The following NCOA7 variants were observed in gnomAD, a reference collection of about 807,000 sequenced individuals.
NCOA7 encodes nuclear receptor coactivator 7, also known as 140 kDa estrogen receptor-associated protein.
NCOA7 carries 45 observed loss-of-function variants against 104.3 expected under a neutral mutation model. The observed-to-expected ratio is 0.43, with a 90% confidence interval of 0.34 to 0.55. NCOA7 has a LOEUF of 0.55. Ranked by LOEUF, NCOA7 falls within the 20% of genes least tolerant of loss-of-function variation. NCOA7 has a pLI of 0.02. For synonymous variants in NCOA7, 398 were observed against 402.3 expected (o/e 0.99, Z 0.13); for missense variants, 1,041 against 1,119.7 (o/e 0.93, Z 1.00).
At chr6:125,901,823 T>C (rs575861356) in intron 10 of NCOA7, among the ~76,000 whole-genome samples, 70 of 152,204 alleles carry the variant, frequency 4.6e-4, no homozygotes, top group Admixed American at 7.9e-4. Context: ...GGAGATTTGA[T>C]TGAGCAGTAG....
chr6:125,847,142 G>A (rs1448356277), intron 2 of NCOA7, among the ~76,000 whole-genome samples: 1 of 151,896 alleles, frequency 6.6e-6, no homozygotes, highest in Non-Finnish European at 1.5e-5. Context: ...AAAAGTATTT[G>A]TGTGTGTGTG....
chr6:125,877,134 T>C (rs1783446103), intron 4 of NCOA7, among the ~76,000 whole-genome samples: 1 of 152,200 alleles, frequency 6.6e-6, no homozygotes. Context: ...TTATACATAC[T>C]ACATATAATA....
intron 14 of NCOA7, 111 bp downstream of exon 14, chr6:125,927,869 C>G: frequency 1.1e-6 from 1 of 931,976 alleles, no homozygotes; most frequent in Non-Finnish European, 1.7e-6. Context: ...TGAACTGACT[C>G]CGGGCTGGGT....
intron 1 of NCOA7, among the ~76,000 whole-genome samples, chr6:125,812,533 T>C (rs928261280): frequency 7.2e-5 from 11 of 152,228 alleles, no homozygotes; most frequent in Non-Finnish European, 1.3e-4. Flanking sequence ...AATGAATAGT[T>C]GTCAGGCTTC....
chr6:125,874,908 A>G lies in NCOA7; in HGVS notation c.291A>G (p.Thr97=). The G allele has an allele frequency of 6.2e-7, 1 of 1,613,462 alleles. No individual in the cohort carries two copies. Among genetic ancestry groups the G allele is most frequent in the East Asian group, 2.2e-5 (1 of 44,866 alleles). ...YYSIDDNQNK[T]HDKKEKKMVV... The stretch of plus-strand genomic sequence containing the variant: ...CTTCAGATGACAATCAAAACAAAAC[A>G]CATGATAAAAAAGAGAAGAAGATGG... The change falls in exon 4 of 16, where the codon ACA becomes ACG. Residue 97 remains threonine, a synonymous_variant. Transcript: ENST00000392477.
chr6:125,923,225 G>A (rs1009976409), intron 13 of NCOA7, among the ~76,000 whole-genome samples: 9 of 152,176 alleles, frequency 5.9e-5, no homozygotes, highest in African/African-American at 2.2e-4. Context: ...TGCCATACCA[G>A]TGCCTTTCCC....
chr6:125,920,263 C>T (rs1787456326), intron 11 of NCOA7, among the ~76,000 whole-genome samples: 1 of 152,166 alleles, frequency 6.6e-6, no homozygotes, highest in Non-Finnish European at 1.5e-5. Context: ...TACTCATGCT[C>T]CTGGTAGCTG....
At chr6:125,793,683 T>C (rs1775054916) in intron 1 of NCOA7, among the ~76,000 whole-genome samples, 1 of 152,236 alleles carries the variant, frequency 6.6e-6, no homozygotes, top group South Asian at 2.1e-4. Flanking sequence ...CCATTTACTA[T>C]TGTTTTTAAA....
intron 11 of NCOA7, among the ~76,000 whole-genome samples, chr6:125,919,808 G>T (rs1787412946): frequency 6.6e-6 from 1 of 152,150 alleles, no homozygotes; most frequent in South Asian, 2.1e-4. Flanking sequence ...TTGTAAATCT[G>T]GCTCAGACGC....
At chr6:125,891,317 A>G (rs1784605031) in intron 10 of NCOA7, among the ~76,000 whole-genome samples, 1 of 152,226 alleles carries the variant, frequency 6.6e-6, no homozygotes, top group Non-Finnish European at 1.5e-5. Flanking sequence ...ATAAAAAATT[A>G]TATTTTCAAT....
intron 2 of NCOA7, among the ~76,000 whole-genome samples, chr6:125,831,484 GT>G (rs79482554): frequency 3.6e-4 from 51 of 141,602 alleles, no homozygotes; most frequent in Middle Eastern, 3.7e-3. Flanking sequence ...AGGTTTGTTT[GT>G]TTTTTTTTTT....
chr6:125,903,723 T>TG (rs200460262), intron 10 of NCOA7, among the ~76,000 whole-genome samples: 2 of 151,128 alleles, frequency 1.3e-5, no homozygotes. Flanking sequence ...TTTTTTTTTT[T>TG]GAGATAGAAT....
At chr6:125,844,527 G>C (rs1780433298) in intron 2 of NCOA7, among the ~76,000 whole-genome samples, 2 of 152,114 alleles carry the variant, frequency 1.3e-5, no homozygotes, top group African/African-American at 4.8e-5. Flanking sequence ...TGTTTTAACT[G>C]TTTTTCTCCC....
At chr6:125,863,159 G>GT (rs1782187986) in intron 3 of NCOA7, among the ~76,000 whole-genome samples, 1 of 138,768 alleles carries the variant, frequency 7.2e-6, no homozygotes, top group Non-Finnish European at 1.5e-5. Flanking sequence ...TAGGGAGCAT[G>GT]AATGTTCACA....
chr6:125,810,498 A>G (rs975779721), intron 1 of NCOA7, among the ~76,000 whole-genome samples: 4 of 152,216 alleles, frequency 2.6e-5, no homozygotes, highest in Non-Finnish European at 5.9e-5. Context: ...GCAATACACC[A>G]TAAATGCAGG....
rs556029645 is a variant in NCOA7, at chr6:125,810,274, T to G, written c.-64-5017T>G. 3.3e-5 allele frequency: 5 copies of G among 152,310 alleles called. No homozygotes were observed. In the South Asian group the frequency reaches 1.0e-3, roughly 32 times the overall value. 9.4% of individuals were successfully genotyped at this position (152,310 alleles called of 1,614,324 possible). A position where few individuals can be genotyped will look rare whatever the true frequency, so the allele number is the denominator to read the frequency against. On this transcript the variant is annotated intron_variant, in intron 1 of 15. Transcript: ENST00000392477. ...CTGCTGGTTCTGTTCTTTTAAATGG[T>G]GCCATGTGTACAAACAAGGAACACT...
At chr6:125,799,303 A>G (rs1042451529) in intron 1 of NCOA7, among the ~76,000 whole-genome samples, 1 of 152,144 alleles carries the variant, frequency 6.6e-6, no homozygotes, top group African/African-American at 2.4e-5. Flanking sequence ...CTTTAAAATC[A>G]GTCTTCCACA....
rs192676229 is a variant in NCOA7 at position 125,813,670 on chromosome 6, G to A, written c.-64-1621G>A. Among the ~76,000 whole-genome samples, 13 of 151,740 alleles carry A rather than the reference G, an allele frequency of 8.6e-5. No homozygotes were observed. In the East Asian group the frequency reaches 2.5e-3, roughly 30 times the overall value. On this transcript the variant is annotated intron_variant, in intron 1 of 15. Coordinates refer to ENST00000392477, the MANE Select transcript of NCOA7 (RefSeq NM_181782.5). ...TCACTATGTTGGCCAGGCTGGTCCC[G>A]AACTCCTGACCTCAGGTGATCCACC...
Position 125,889,192 on chromosome 6 carries a change from A to G in NCOA7, c.1138A>G (p.Thr380Ala), listed in dbSNP as rs747138458. 6.2e-7 allele frequency: 1 copy of G among 1,613,988 alleles called. No homozygotes were observed. Among genetic ancestry groups the G allele is most frequent in the Non-Finnish European group, 8.5e-7 (1 of 1,179,986 alleles). The change falls in exon 9 of 16, where the codon ACA becomes GCA. Residue 380 changes from threonine (T) to alanine (A), a missense_variant. Thr to Ala is a moderately conservative substitution (Grantham distance 58, BLOSUM62 0). Coordinates refer to ENST00000392477, the MANE Select transcript of NCOA7 (RefSeq NM_181782.5). ...KLKKLDSSRE[T>A]SHGSPTVTKL... Reference sequence around the variant, plus strand: ...AAAGAAACTGGACTCCTCTAGGGAGACATCCCATGGTTCTCCCACAGTGAC... The same window carrying G: ...AAAGAAACTGGACTCCTCTAGGGAGGCATCCCATGGTTCTCCCACAGTGAC...
Sources: allele counts gnomAD v4.1 joint callset (sites outside exome capture counted in the v4.1 genomes callset), GRCh38; gene constraint gnomAD v4.1.1; transcripts MANE v1.5; gene names NCBI Gene and HGNC (gene_info 2026-07-23, HGNC 2026-07-21).